The following MSR1 variants were observed in gnomAD, a reference collection of about 807,000 sequenced individuals.
MSR1 encodes the protein macrophage scavenger receptor 1, also known as macrophage scavenger receptor types I and II.
MSR1 carries 53 observed loss-of-function variants against 47.2 expected under a neutral mutation model. That is an observed-to-expected ratio of 1.12 (90% CI 0.90 to 1.41). The LOEUF (loss-of-function observed/expected upper bound fraction) is 1.41. Among genes scored for constraint, MSR1 ranks in the 40% most tolerant of loss-of-function variants. The probability of loss-of-function intolerance (pLI) is 0.00; values close to 1 mark genes in which losing one functional copy is unlikely to be tolerated. For missense variants in MSR1, 786 were observed against 546.9 expected (o/e 1.44, Z -4.36); for synonymous variants, 239 against 185.6 (o/e 1.29, Z -2.34).
At position 16,175,290 on chromosome 8, in the gene MSR1, G is replaced by GT. The variant is rs1289546897; in HGVS notation, c.113dup (p.Asn38LysfsTer49). ...TCAGTTTCTCTTGAAGGGAAGGGCT[G>GT]TTTTTAGGATCTAATAAAACAAAAA... On this transcript the variant is annotated frameshift_variant, in exon 3 of 10. Coordinates refer to ENST00000262101, the MANE Select transcript of MSR1 (RefSeq NM_138715.3). LOFTEE classifies it high-confidence loss of function. 4.3e-6 allele frequency: 7 copies of GT among 1,613,600 alleles called. No homozygotes were observed. The highest frequency in any genetic ancestry group is 5.9e-6 in the Non-Finnish European group (7 of 1,179,680).
chr8:16,139,464 A>G, intron 8 of MSR1: 2 of 981,410 alleles, frequency 2.0e-6, no homozygotes, highest in Non-Finnish European at 2.4e-6. Flanking sequence ...ACAGAGGCAT[A>G]CCATCTAGAG....
At chr8:16,140,635 C>A in intron 8 of MSR1, 1 of 1,159,042 alleles carries the variant, frequency 8.6e-7, no homozygotes, top group Non-Finnish European at 1.1e-6. Flanking sequence ...CACAGCAGTT[C>A]TCCTAGAACC....
At chr8:16,161,333 G>A (rs895670256) in intron 5 of MSR1, among the ~76,000 whole-genome samples, 5 of 151,984 alleles carry the variant, frequency 3.3e-5, no homozygotes, top group African/African-American at 9.7e-5. Flanking sequence ...CAGATTTGGG[G>A]AGGCAGATGC....
chr8:16,186,159 G>A (rs1335282201), intron 1 of MSR1: 10 of 1,534,284 alleles, frequency 6.5e-6, no homozygotes, highest in East Asian at 4.9e-5. Context: ...TCATGCTCAC[G>A]GTTTTTTGTT....
At chr8:16,114,065 G>A (rs1023003871) in intron 9 of MSR1, among the ~76,000 whole-genome samples, 1 of 152,036 alleles carries the variant, frequency 6.6e-6, no homozygotes, top group Non-Finnish European at 1.5e-5. Context: ...ACATTCAAAT[G>A]TTTACATTTT....
chr8:16,154,393 T>A (rs952726438), intron 6 of MSR1, among the ~76,000 whole-genome samples: 7 of 152,010 alleles, frequency 4.6e-5, no homozygotes, highest in African/African-American at 1.7e-4. Flanking sequence ...GTTCATGTTC[T>A]CTCTTCTGTG....
intron 1 of MSR1, among the ~76,000 whole-genome samples, chr8:16,188,696 G>A (rs1802071997): frequency 6.6e-6 from 1 of 151,808 alleles, no homozygotes; most frequent in Non-Finnish European, 1.5e-5. Context: ...GGTGTGTGAT[G>A]CTCCCCTCCC....
chr8:16,147,696 C>T (rs1800738415), intron 7 of MSR1, among the ~76,000 whole-genome samples: 1 of 152,088 alleles, frequency 6.6e-6, no homozygotes, highest in Non-Finnish European at 1.5e-5. Context: ...ACTGTTCCTT[C>T]TTTTAGTCTG....
Position 16,109,530 on chromosome 8 carries a change from A to G in MSR1, c.*555T>C, listed in dbSNP as rs1433295641. The G allele has an allele frequency of 6.3e-6, 1 of 158,804 alleles. No individual in the cohort carries two copies. Among genetic ancestry groups the G allele is most frequent in the Non-Finnish European group, 1.4e-5 (1 of 71,886 alleles). 9.8% of individuals were successfully genotyped at this position (158,804 alleles called of 1,614,324 possible). A position where few individuals can be genotyped will look rare whatever the true frequency, so the allele number is the denominator to read the frequency against. On this transcript the variant is annotated 3_prime_UTR_variant, in exon 10 of 10. Transcript: ENST00000262101. ...AGCTCCCTGGTCCATAGTGGCCAAG[A>G]CATATCATTAACATTGATATCTAAT...
intron 5 of MSR1, among the ~76,000 whole-genome samples, chr8:16,163,597 T>A (rs1801220978): frequency 6.6e-6 from 1 of 151,472 alleles, no homozygotes; most frequent in African/African-American, 2.4e-5. Context: ...TAAGATCCAA[T>A]TCACCTTATT....
intron 3 of MSR1, among the ~76,000 whole-genome samples, chr8:16,173,426 T>C (rs1329748815): frequency 6.6e-6 from 1 of 152,200 alleles, no homozygotes; most frequent in Non-Finnish European, 1.5e-5. Context: ...CATTTAGTTA[T>C]ACATTTCAAA....
At chr8:16,172,447 A>C (rs73665248) in intron 3 of MSR1, among the ~76,000 whole-genome samples, 1 of 152,044 alleles carries the variant, frequency 6.6e-6, no homozygotes, top group Non-Finnish European at 1.5e-5. Flanking sequence ...GAATGCCAGG[A>C]TTTATATTTT....
At chr8:16,147,011 C>A (rs944486295) in intron 7 of MSR1, among the ~76,000 whole-genome samples, 2 of 152,018 alleles carry the variant, frequency 1.3e-5, no homozygotes, top group African/African-American at 4.8e-5. Context: ...CCATAACTTA[C>A]CCTGAGGGAA....
At chr8:16,177,051 C>T (rs2117207271) in intron 2 of MSR1, among the ~76,000 whole-genome samples, 1 of 152,254 alleles carries the variant, frequency 6.6e-6, no homozygotes, top group South Asian at 2.1e-4. Flanking sequence ...TAACTTTCTC[C>T]TGACATCTTA....
chr8:16,119,025 T>C (rs540485175), intron 9 of MSR1, among the ~76,000 whole-genome samples: 12 of 152,238 alleles, frequency 7.9e-5, no homozygotes, highest in African/African-American at 1.9e-4. Context: ...TCTGAAGCTG[T>C]TTATTTCCTT....
At chr8:16,187,509 A>G (rs916613037) in intron 1 of MSR1, among the ~76,000 whole-genome samples, 1 of 151,812 alleles carries the variant, frequency 6.6e-6, no homozygotes, top group Non-Finnish European at 1.5e-5. Context: ...TCCCCCAAAA[A>G]CATATATTCC....
At chr8:16,174,429 G>A (rs189394854) in intron 3 of MSR1, among the ~76,000 whole-genome samples, 64 of 152,194 alleles carry the variant, frequency 4.2e-4, no homozygotes, top group African/African-American at 1.4e-3. Context: ...AAAATGCTAC[G>A]CGGGGAATAA....
chr8:16,187,933 G>T (rs1802050201), intron 1 of MSR1, among the ~76,000 whole-genome samples: 1 of 152,058 alleles, frequency 6.6e-6, no homozygotes, highest in Non-Finnish European at 1.5e-5. Flanking sequence ...TAATTTTTTA[G>T]TAACGTGAAC....
At chr8:16,137,876 T>C (rs901192084) in intron 8 of MSR1, among the ~76,000 whole-genome samples, 3 of 151,838 alleles carry the variant, frequency 2.0e-5, no homozygotes, top group Non-Finnish European at 4.4e-5. Flanking sequence ...CCTAAAGTCC[T>C]AGCTACTCAG....
Sources: allele counts gnomAD v4.1 joint callset (sites outside exome capture counted in the v4.1 genomes callset), GRCh38; gene constraint gnomAD v4.1.1; transcripts MANE v1.5; gene names NCBI Gene and HGNC (gene_info 2026-07-23, HGNC 2026-07-21).